Variants in CCSER1 observed in about 807,000 individuals in gnomAD.
CCSER1 encodes coiled-coil serine rich protein 1.
CCSER1 carries 41 observed loss-of-function variants against 82.0 expected under a neutral mutation model. That is an observed-to-expected ratio of 0.50 (90% CI 0.39 to 0.65). The LOEUF (loss-of-function observed/expected upper bound fraction) is 0.65, where lower values mean the gene tolerates loss of function less well. Ranked by LOEUF, CCSER1 falls within the 30% of genes least tolerant of loss-of-function variation. The pLI, the probability that CCSER1 is intolerant of heterozygous loss-of-function variation, is 0.00. For missense variants in CCSER1, 1,119 were observed against 1,064.2 expected, an observed-to-expected ratio of 1.05 and a Z score of -0.72; for synonymous variants, 414 against 383.9, an observed-to-expected ratio of 1.08 and a Z score of -0.92.
chr4:91,481,104 C>A (rs1032690360), intron 10 of CCSER1, among the ~76,000 whole-genome samples: 17 of 145,664 alleles, frequency 1.2e-4, no homozygotes, highest in African/African-American at 4.1e-4. Context: ...CCCTTCCCCT[C>A]CCCTACAGCC....
At chr4:90,661,933 T>C (rs989243316) in intron 6 of CCSER1, among the ~76,000 whole-genome samples, 3 of 151,796 alleles carry the variant, frequency 2.0e-5, no homozygotes, top group Non-Finnish European at 4.4e-5. Context: ...TTAGGTCTGC[T>C]GTGTGATAGT....
chr4:91,597,010 CTT>C (rs1764612077), intron 10 of CCSER1, among the ~76,000 whole-genome samples: 1 of 151,926 alleles, frequency 6.6e-6, no homozygotes, highest in Non-Finnish European at 1.5e-5. Flanking sequence ...AGGAGGGAGA[CTT>C]ATTTCAATAA....
At chr4:90,767,912 C>G (rs1751490235) in intron 7 of CCSER1, among the ~76,000 whole-genome samples, 1 of 152,058 alleles carries the variant, frequency 6.6e-6, no homozygotes, top group African/African-American at 2.4e-5. Context: ...CTGGGCCTCC[C>G]AAAGTGTTGG....
At chr4:90,527,381 A>T (rs1773921293) in intron 5 of CCSER1, among the ~76,000 whole-genome samples, 1 of 152,216 alleles carries the variant, frequency 6.6e-6, no homozygotes, top group Non-Finnish European at 1.5e-5. Flanking sequence ...AATGCAAATT[A>T]AAACCACAAT....
At chr4:90,911,168 T>G (rs6532254) in intron 8 of CCSER1, 5,982 of 406,906 alleles carry the variant, frequency 0.015, 68 homozygotes, top group Non-Finnish European at 0.022. Flanking sequence ...GCATAAGAGT[T>G]CTTTTTATAA....
intron 10 of CCSER1, among the ~76,000 whole-genome samples, chr4:91,337,478 C>T (rs1747402420): frequency 6.6e-6 from 1 of 152,034 alleles, no homozygotes; most frequent in Admixed American, 6.6e-5. Context: ...AATGTGTCAC[C>T]TGGTTCTTTC....
intron 1 of CCSER1, among the ~76,000 whole-genome samples, chr4:90,145,013 GCTAC>G (rs1303869050): frequency 6.6e-6 from 1 of 151,856 alleles, no homozygotes; most frequent in East Asian, 1.9e-4. Context: ...CTATTTTCTG[GCTAC>G]CTATAGTTTA....
At chr4:90,407,654 T>A (rs529833258) in intron 4 of CCSER1, among the ~76,000 whole-genome samples, 1 of 152,006 alleles carries the variant, frequency 6.6e-6, no homozygotes, top group African/African-American at 2.4e-5. Flanking sequence ...GATCCAGAGG[T>A]GGAGCCAAGA....
At chr4:91,288,618 C>A (rs1013100904) in intron 10 of CCSER1, among the ~76,000 whole-genome samples, 3 of 151,916 alleles carry the variant, frequency 2.0e-5, no homozygotes, top group African/African-American at 7.2e-5. Context: ...AAGAAGGGAA[C>A]AACAGCTACT....
chr4:91,313,070 A>G (rs1397443832), intron 10 of CCSER1, among the ~76,000 whole-genome samples: 1 of 151,896 alleles, frequency 6.6e-6, no homozygotes, highest in African/African-American at 2.4e-5. Flanking sequence ...CATGACATTC[A>G]AAGATTTTCA....
At chr4:90,918,549 G>T (rs189146487) in intron 8 of CCSER1, among the ~76,000 whole-genome samples, 1 of 149,246 alleles carries the variant, frequency 6.7e-6, no homozygotes, top group Non-Finnish European at 1.5e-5. Context: ...CTTCCTCAGC[G>T]GCGTGTACTT....
intron 1 of CCSER1, among the ~76,000 whole-genome samples, chr4:90,250,976 C>A (rs908491397): frequency 1.3e-5 from 2 of 151,874 alleles, no homozygotes; most frequent in African/African-American, 4.8e-5. Flanking sequence ...TTTCTTAACT[C>A]ATTTTTAGAT....
chr4:91,090,248 G>C (rs1396578899), intron 10 of CCSER1, among the ~76,000 whole-genome samples: 1 of 152,156 alleles, frequency 6.6e-6, no homozygotes, highest in East Asian at 1.9e-4. Context: ...TAGGAAGAAA[G>C]GTGGTGTAAT....
intron 10 of CCSER1, among the ~76,000 whole-genome samples, chr4:91,395,025 G>A (rs1028608046): frequency 3.3e-5 from 5 of 151,898 alleles, no homozygotes; most frequent in African/African-American, 9.7e-5. Context: ...TATATCTTTC[G>A]TAATATTCTT....
At chr4:91,502,759 A>G (rs575661557) in intron 10 of CCSER1, among the ~76,000 whole-genome samples, 115 of 152,288 alleles carry the variant, frequency 7.6e-4, no homozygotes, top group African/African-American at 2.7e-3. Flanking sequence ...AATATAGAAA[A>G]CATATCTACT....
At chr4:91,213,824 G>T (rs1355343541) in intron 10 of CCSER1, among the ~76,000 whole-genome samples, 1 of 152,060 alleles carries the variant, frequency 6.6e-6, no homozygotes, top group Non-Finnish European at 1.5e-5. Flanking sequence ...TGGTGGGTTG[G>T]TATGTCATGT....
intron 10 of CCSER1, among the ~76,000 whole-genome samples, chr4:91,513,073 C>T (rs899682446): frequency 1.3e-5 from 2 of 151,988 alleles, no homozygotes; most frequent in African/African-American, 4.8e-5. Flanking sequence ...CCAGCTTATG[C>T]CCATTAAATA....
intron 10 of CCSER1, among the ~76,000 whole-genome samples, chr4:91,298,458 C>T (rs1744395850): frequency 6.6e-6 from 1 of 151,948 alleles, no homozygotes. Flanking sequence ...TTTTGCCTTC[C>T]TTTTACCTTC....
At chr4:90,406,923 C>T (rs925255552) in intron 4 of CCSER1, among the ~76,000 whole-genome samples, 1 of 151,952 alleles carries the variant, frequency 6.6e-6, no homozygotes, top group Admixed American at 6.6e-5. Flanking sequence ...CACAAATGGG[C>T]AATCTAAGCT....
Sources: allele counts gnomAD v4.1 joint callset (sites outside exome capture counted in the v4.1 genomes callset), GRCh38; gene constraint gnomAD v4.1.1; transcripts MANE v1.5; gene names NCBI Gene and HGNC (gene_info 2026-07-23, HGNC 2026-07-21).